The following GRM7 variants were observed in gnomAD, a reference collection of about 807,000 sequenced individuals.
GRM7 encodes the protein metabotropic glutamate receptor 7.
Under a neutral mutation model 84.5 loss-of-function variants are expected in GRM7, and 35 were observed. The observed-to-expected ratio is 0.41, with a 90% CI of 0.32 to 0.55. The LOEUF is 0.55. Among genes scored for constraint, GRM7 ranks in the 20% least tolerant of loss-of-function variants. The probability of loss-of-function intolerance (pLI) is 0.19; values close to 1 mark genes in which losing one functional copy is unlikely to be tolerated. For missense variants in GRM7, 1,003 were observed against 1,194.6 expected, an observed-to-expected ratio of 0.84 and a Z score of 2.36; for synonymous variants, 487 against 455.1, an observed-to-expected ratio of 1.07 and a Z score of -0.89.
intron 1 of GRM7, among the ~76,000 whole-genome samples, chr3:7,078,366 C>A (rs1025591417): frequency 3.3e-5 from 5 of 152,072 alleles, no homozygotes; most frequent in African/African-American, 9.7e-5. Context: ...GGGGTATTTG[C>A]GTATCATAGT....
chr3:7,309,588 C>G (rs1411960682), intron 4 of GRM7, among the ~76,000 whole-genome samples: 3 of 152,036 alleles, frequency 2.0e-5, no homozygotes, highest in Non-Finnish European at 4.4e-5. Context: ...ATCATGACTA[C>G]GTTCAGCAAA....
chr3:7,275,718 C>T (rs1351197355), intron 2 of GRM7, among the ~76,000 whole-genome samples: 1 of 152,070 alleles, frequency 6.6e-6, no homozygotes, highest in Non-Finnish European at 1.5e-5. Flanking sequence ...ACAGAATGCT[C>T]TAGTGGTATT....
intron 4 of GRM7, among the ~76,000 whole-genome samples, chr3:7,340,134 A>G (rs1390546569): frequency 6.6e-6 from 1 of 152,156 alleles, no homozygotes; most frequent in Non-Finnish European, 1.5e-5. Context: ...CTGTGAAATA[A>G]TAAGGTTCTT....
chr3:7,103,742 CT>C (rs1699186678), intron 1 of GRM7, among the ~76,000 whole-genome samples: 10 of 130,184 alleles, frequency 7.7e-5, no homozygotes, highest in Non-Finnish European at 1.6e-4. Flanking sequence ...TTCTCTTTCT[CT>C]CTCTCCCTTT....
At chr3:7,631,309 G>C (rs932100717) in intron 8 of GRM7, among the ~76,000 whole-genome samples, 1 of 152,158 alleles carries the variant, frequency 6.6e-6, no homozygotes, top group African/African-American at 2.4e-5. Context: ...TGGTGCCTCG[G>C]GTAGAAGTAG....
At chr3:7,135,760 G>C (rs947891417) in intron 1 of GRM7, among the ~76,000 whole-genome samples, 8 of 152,096 alleles carry the variant, frequency 5.3e-5, no homozygotes, top group African/African-American at 9.7e-5. Flanking sequence ...TACAAAAAGG[G>C]AGGAAGTTAA....
At chr3:7,063,997 C>T (rs923204973) in intron 1 of GRM7, among the ~76,000 whole-genome samples, 1 of 150,968 alleles carries the variant, frequency 6.6e-6, no homozygotes, top group Non-Finnish European at 1.5e-5. Context: ...TCTTCTGATC[C>T]ACACAGTCAT....
chr3:7,502,230 T>A (rs1186988912), intron 7 of GRM7, among the ~76,000 whole-genome samples: 1 of 152,114 alleles, frequency 6.6e-6, no homozygotes, highest in Non-Finnish European at 1.5e-5. Context: ...ATAAGTCATA[T>A]AACAACAACA....
Position 7,689,998 on chromosome 3 carries a change from A to G in GRM7, c.2698+9703A>G, listed in dbSNP as rs974588936. On this transcript the variant is annotated intron_variant, in intron 9 of 9. Transcript: ENST00000357716. Reference sequence around the variant, plus strand: ...TGTCACCAAGCTACAGGTGGAGACCATCACCCGGGATGTTTTGCTTGAGTT... The same window carrying G: ...TGTCACCAAGCTACAGGTGGAGACCGTCACCCGGGATGTTTTGCTTGAGTT... Among the ~76,000 whole-genome samples the G allele has an allele frequency of 2.0e-5, 3 of 152,252 alleles. No individual in the cohort carries two copies. The East Asian group carries it at 5.8e-4, about 29-fold the overall frequency.
intron 7 of GRM7, among the ~76,000 whole-genome samples, chr3:7,577,813 A>T (rs998493785): frequency 7.2e-5 from 11 of 152,206 alleles, no homozygotes; most frequent in African/African-American, 2.7e-4. Context: ...CCCCTGTGAT[A>T]GTAGATTCAC....
At chr3:7,109,619 G>T (rs1228760368) in intron 1 of GRM7, among the ~76,000 whole-genome samples, 1 of 152,072 alleles carries the variant, frequency 6.6e-6, no homozygotes, top group Non-Finnish European at 1.5e-5. Flanking sequence ...TTCCTCCATT[G>T]TTCCGGTCCA....
chr3:7,102,163 A>G lies in GRM7; in HGVS notation c.520-44289A>G, dbSNP rs1699133264. On this transcript the variant is annotated intron_variant, in intron 1 of 9. Transcript: ENST00000357716. ...TCTGTTCAGTCCTCATGCTGCCTTC[A>G]GCCTAAAAAAGTGGTTTTAGCATTT... 2.0e-5 allele frequency among the ~76,000 whole-genome samples: 3 copies of G among 151,784 alleles called. No individual in the cohort carries two copies. The South Asian group carries it at 6.2e-4, about 31-fold the overall frequency.
At chr3:6,910,266 A>G (rs75994928) in intron 1 of GRM7, among the ~76,000 whole-genome samples, 5,167 of 152,254 alleles carry the variant, frequency 0.034, 123 homozygotes, top group Non-Finnish European at 0.051. Flanking sequence ...AGGGTATTCA[A>G]TGCTAGATAC....
chr3:7,441,005 T>C (rs1445015816), intron 5 of GRM7, among the ~76,000 whole-genome samples: 3 of 152,168 alleles, frequency 2.0e-5, no homozygotes, highest in Non-Finnish European at 2.9e-5. Flanking sequence ...CCTTTGGGTA[T>C]ATACTCGGTA....
chr3:7,025,937 A>G (rs1178383644), intron 1 of GRM7, among the ~76,000 whole-genome samples: 1 of 152,196 alleles, frequency 6.6e-6, no homozygotes, highest in Non-Finnish European at 1.5e-5. Flanking sequence ...TTTATAGCTC[A>G]TGACACCTAC....
At chr3:7,248,794 G>T (rs537169285) in intron 2 of GRM7, among the ~76,000 whole-genome samples, 1 of 151,994 alleles carries the variant, frequency 6.6e-6, no homozygotes, top group East Asian at 1.9e-4. Context: ...CTATATAAGA[G>T]ACTTATTTAG....
intron 2 of GRM7, among the ~76,000 whole-genome samples, chr3:7,179,469 A>G (rs1178028526): frequency 6.6e-6 from 1 of 152,156 alleles, no homozygotes; most frequent in Non-Finnish European, 1.5e-5. Context: ...TCTCATTTAG[A>G]TTATAGACAT....
intron 1 of GRM7, among the ~76,000 whole-genome samples, chr3:7,132,046 C>A (rs1693618981): frequency 6.6e-6 from 1 of 152,126 alleles, no homozygotes; most frequent in Admixed American, 6.6e-5. Flanking sequence ...TGCTCTTTTG[C>A]TAAAGGAAAT....
chr3:7,390,244 G>A (rs1694939323), intron 4 of GRM7, among the ~76,000 whole-genome samples: 1 of 151,996 alleles, frequency 6.6e-6, no homozygotes, highest in Non-Finnish European at 1.5e-5. Context: ...ATGGGTTTAT[G>A]TTTATAGGTA....
Sources: allele counts gnomAD v4.1 joint callset (sites outside exome capture counted in the v4.1 genomes callset), GRCh38; gene constraint gnomAD v4.1.1; transcripts MANE v1.5; gene names NCBI Gene and HGNC (gene_info 2026-07-23, HGNC 2026-07-21).